The following GRIA1 variants were observed in gnomAD, a reference collection of about 807,000 sequenced individuals.
GRIA1 encodes glutamate ionotropic receptor AMPA type subunit 1.
In GRIA1, 31 loss-of-function variants were observed where a neutral mutation model predicts 99.2. That is an observed-to-expected ratio of 0.31 (90% confidence interval 0.23 to 0.42). The LOEUF (loss-of-function observed/expected upper bound fraction) is 0.42. GRIA1 is among the 10% of genes least tolerant of loss of function. The pLI is 1.00. For missense variants in GRIA1, 782 were observed against 1,157.5 expected (o/e 0.68, Z 4.71); for synonymous variants, 438 against 432.4 (o/e 1.01, Z -0.16).
At chr5:153,657,879 C>T (rs963525263) in intron 5 of GRIA1, among the ~76,000 whole-genome samples, 8 of 152,188 alleles carry the variant, frequency 5.3e-5, no homozygotes, top group African/African-American at 1.9e-4. Context: ...TCTCCAGACA[C>T]TTTTGGGGAA....
chr5:153,684,512 A>T (rs1258761469), intron 7 of GRIA1, among the ~76,000 whole-genome samples: 1 of 152,200 alleles, frequency 6.6e-6, no homozygotes, highest in Non-Finnish European at 1.5e-5. Flanking sequence ...GGGGCTGAAA[A>T]GTAGATGCCT....
chr5:153,678,842 C>T (rs1297688109), intron 7 of GRIA1, among the ~76,000 whole-genome samples: 1 of 152,206 alleles, frequency 6.6e-6, no homozygotes, highest in Non-Finnish European at 1.5e-5. Context: ...TCCAGCTGGG[C>T]CCCTGGCTCT....
rs1766807988 is a variant in GRIA1 at position 153,811,307 on chromosome 5, C to CAAAA, written c.*83_*86dup. 3.3e-6 allele frequency: 3 copies of CAAAA among 913,864 alleles called. No homozygotes were observed. The highest frequency in any genetic ancestry group is 5.3e-6 in the Non-Finnish European group (3 of 565,482). 56.6% of individuals were successfully genotyped at this position (913,864 alleles called of 1,614,324 possible). ...AACCCTTCAGTGCCAAAAACAACAA[C>CAAAA]AAAATGAAACGCAACCACCACCAAC... On this transcript the variant is annotated 3_prime_UTR_variant, in exon 16 of 16. Coordinates refer to ENST00000285900, the MANE Select transcript of GRIA1 (RefSeq NM_000827.4).
chr5:153,592,928 T>C (rs1376620110), intron 2 of GRIA1, among the ~76,000 whole-genome samples: 1 of 152,108 alleles, frequency 6.6e-6, no homozygotes, highest in African/African-American at 2.4e-5. Context: ...CTCTTTCTCT[T>C]CTTAGAGTCT....
chr5:153,645,827 AAG>A, intron 2 of GRIA1, among the ~76,000 whole-genome samples: 1 of 152,200 alleles, frequency 6.6e-6, no homozygotes, highest in Non-Finnish European at 1.5e-5. Flanking sequence ...AATAATACCT[AAG>A]TCACAAGGAT....
chr5:153,794,554 G>T, intron 13 of GRIA1, 67 bp from the exon 14 acceptor site: 1 of 1,067,176 alleles, frequency 9.4e-7, no homozygotes, highest in South Asian at 1.3e-5. Context: ...CCGATCCCTT[G>T]GGTCACGTGA....
At chr5:153,739,103 A>G (rs1366472184) in intron 11 of GRIA1, among the ~76,000 whole-genome samples, 1 of 150,996 alleles carries the variant, frequency 6.6e-6, no homozygotes, top group Non-Finnish European at 1.5e-5. Flanking sequence ...AAAAAAAAAA[A>G]TGTGAATGGG....
In GRIA1 at chr5:153,686,313, A is replaced by G; in HGVS notation, c.1118A>G (p.His373Arg). 3 of 1,613,540 alleles carry G rather than the reference A, an allele frequency of 1.9e-6. No individual in the cohort carries two copies. Among genetic ancestry groups the G allele is most frequent in the Admixed American group, 1.7e-5 (1 of 60,028 alleles). ...ACGCTCCACGTGATTGAAATGAAAC[A>G]TGACGGCATCCGAAAGGTAAGGTCC... is the stretch of plus-strand genomic sequence containing the variant. ...NYTLHVIEMK[H>R]DGIRKIGYWN... The change falls in exon 8 of 16, where the codon CAT (histidine) becomes CGT (arginine). Residue 373 changes from histidine to arginine, a missense_variant. Around this residue, in one of 5 missense-constraint regions of GRIA1, gnomAD observed 461 missense variants for 521.7 expected, o/e 0.88. Coordinates refer to ENST00000285900, the MANE Select transcript of GRIA1 (RefSeq NM_000827.4).
intron 5 of GRIA1, among the ~76,000 whole-genome samples, chr5:153,669,563 G>C (rs910814169): frequency 1.3e-5 from 2 of 152,118 alleles, no homozygotes; most frequent in East Asian, 3.9e-4. Context: ...ACTAATGGAT[G>C]ATATCTAAGA....
At chr5:153,770,987 T>C (rs1561846778) in intron 13 of GRIA1, among the ~76,000 whole-genome samples, 1 of 152,184 alleles carries the variant, frequency 6.6e-6, no homozygotes, top group African/African-American at 2.4e-5. Flanking sequence ...GACAGTTTGG[T>C]AAAGAAGCAG....
intron 13 of GRIA1, among the ~76,000 whole-genome samples, chr5:153,777,874 A>T (rs941461916): frequency 1.3e-5 from 2 of 152,182 alleles, no homozygotes; most frequent in Non-Finnish European, 2.9e-5. Flanking sequence ...GCTGCTGATA[A>T]ATACAGTATG....
intron 15 of GRIA1, among the ~76,000 whole-genome samples, chr5:153,802,713 T>C (rs17115256): frequency 0.24 from 35,941 of 151,798 alleles, 4,579 homozygotes; most frequent in South Asian, 0.39. Context: ...AAGAAAAAAA[T>C]TGCATTTGCC....
In GRIA1 at chr5:153,773,290, C is replaced by G. The variant is rs555733384; in HGVS notation, c.2270+2875C>G. Reference sequence around the variant, plus strand: ...AAGCCAGATTTCAAGCCCTGGCAGTCTGACTTCAGAGCCTATGGCTGTAAC... The same window carrying G: ...AAGCCAGATTTCAAGCCCTGGCAGTGTGACTTCAGAGCCTATGGCTGTAAC... On this transcript the variant is annotated intron_variant, in intron 13 of 15. Coordinates refer to ENST00000285900, the MANE Select transcript of GRIA1 (RefSeq NM_000827.4). 3.6e-4 allele frequency among the ~76,000 whole-genome samples: 55 copies of G among 152,342 alleles called. 1 individual carries two copies. In the South Asian group the frequency reaches 0.011, roughly 31 times the overall value.
chr5:153,498,471 A>G (rs953204462), intron 2 of GRIA1, among the ~76,000 whole-genome samples: 16 of 152,356 alleles, frequency 1.1e-4, no homozygotes, highest in Admixed American at 9.8e-4. Context: ...AGGGAATTAC[A>G]CAGCATAAAA....
At chr5:153,624,389 C>T (rs1767379734) in intron 2 of GRIA1, among the ~76,000 whole-genome samples, 1 of 152,148 alleles carries the variant, frequency 6.6e-6, no homozygotes, top group African/African-American at 2.4e-5. Context: ...AGTCACCGCC[C>T]AAGGGCTGTG....
At chr5:153,781,310 T>C (rs1210043860) in intron 13 of GRIA1, among the ~76,000 whole-genome samples, 3 of 151,780 alleles carry the variant, frequency 2.0e-5, no homozygotes, top group Non-Finnish European at 4.4e-5. Context: ...GAACTCTTAA[T>C]CATATTCTTT....
intron 2 of GRIA1, among the ~76,000 whole-genome samples, chr5:153,553,548 T>C (rs1420523493): frequency 6.6e-6 from 1 of 152,100 alleles, no homozygotes; most frequent in Non-Finnish European, 1.5e-5. Context: ...GATTCTTCCA[T>C]TGGGATGGAC....
At chr5:153,754,799 T>C (rs1762718649) in intron 11 of GRIA1, among the ~76,000 whole-genome samples, 1 of 152,184 alleles carries the variant, frequency 6.6e-6, no homozygotes, top group African/African-American at 2.4e-5. Context: ...GAGGGCCTGC[T>C]CCATGCTGAG....
chr5:153,547,720 G>A (rs756093295), intron 2 of GRIA1, among the ~76,000 whole-genome samples: 9 of 152,088 alleles, frequency 5.9e-5, no homozygotes, highest in Non-Finnish European at 5.9e-5. Flanking sequence ...AAAATACCTC[G>A]TGGAACTTTT....
Sources: gnomAD v4.1 joint callset for allele counts (sites outside exome capture counted in the v4.1 genomes callset) on GRCh38, gnomAD v4.1.1 for gene constraint, gnomAD v4.1.1 regional missense constraint, MANE v1.5 for transcripts, NCBI Gene and HGNC (gene_info 2026-07-23, HGNC 2026-07-21) for gene names.